Variants in RARB observed in about 807,000 individuals in gnomAD.
RARB encodes HBV-activated protein.
Under a neutral mutation model 51.9 loss-of-function variants are expected in RARB, and 17 were observed. The observed-to-expected ratio is 0.33, with a 90% CI of 0.22 to 0.49. The LOEUF is 0.49. RARB is among the 20% of genes least tolerant of loss of function. RARB has a pLI of 0.99. For synonymous variants in RARB, 215 were observed against 195.4 expected, an observed-to-expected ratio of 1.10 and a Z score of -0.84; for missense variants, 369 against 550.8, an observed-to-expected ratio of 0.67 and a Z score of 3.30.
At chr3:25,321,227 C>G (rs1704560088) in intron 5 of RARB, among the ~76,000 whole-genome samples, 1 of 152,140 alleles carries the variant, frequency 6.6e-6, no homozygotes, top group Admixed American at 6.5e-5. Context: ...TGCATTCAGA[C>G]TTTGGGAACT....
At chr3:25,100,916 T>A (rs1237638002) in intron 3 of RARB, among the ~76,000 whole-genome samples, 3 of 152,176 alleles carry the variant, frequency 2.0e-5, no homozygotes, top group African/African-American at 7.2e-5. Context: ...AATCTTAGAC[T>A]CCTGTTGGCT....
At chr3:25,270,715 A>G (rs1332166318) in intron 5 of RARB, among the ~76,000 whole-genome samples, 3 of 152,218 alleles carry the variant, frequency 2.0e-5, no homozygotes, top group East Asian at 3.8e-4. Flanking sequence ...TTCTCACGGT[A>G]TCCCTTGAAG....
At chr3:25,411,348 C>T (rs1397953376) in intron 5 of RARB, among the ~76,000 whole-genome samples, 1 of 152,158 alleles carries the variant, frequency 6.6e-6, no homozygotes, top group African/African-American at 2.4e-5. Flanking sequence ...ATAAAAACAA[C>T]TCTTGGTAAA....
intron 2 of RARB, among the ~76,000 whole-genome samples, chr3:24,881,489 T>C (rs1256481836): frequency 6.6e-6 from 1 of 152,212 alleles, no homozygotes; most frequent in Non-Finnish European, 1.5e-5. Flanking sequence ...TTGAGTGAAC[T>C]CATTGAGTAC....
At chr3:25,377,965 A>T (rs2125476907) in intron 5 of RARB, among the ~76,000 whole-genome samples, 1 of 152,310 alleles carries the variant, frequency 6.6e-6, no homozygotes, top group East Asian at 1.9e-4. Flanking sequence ...AAAATTTTTT[A>T]AATTCAAAAA....
At chr3:25,361,094 C>G (rs565533627) in intron 5 of RARB, among the ~76,000 whole-genome samples, 2 of 152,190 alleles carry the variant, frequency 1.3e-5, no homozygotes, top group African/African-American at 4.8e-5. Context: ...ATTTCATTCT[C>G]CCTGTCACTT....
chr3:25,098,485 G>C (rs938521199), intron 3 of RARB, among the ~76,000 whole-genome samples: 1 of 152,138 alleles, frequency 6.6e-6, no homozygotes, highest in African/African-American at 2.4e-5. Context: ...TGTAATATTG[G>C]GTAAAGAAGT....
At chr3:25,234,626 C>T (rs1702260500) in intron 5 of RARB, among the ~76,000 whole-genome samples, 1 of 151,006 alleles carries the variant, frequency 6.6e-6, no homozygotes, top group African/African-American at 2.4e-5. Flanking sequence ...TCTTCTGCTT[C>T]ACTTCTCTTT....
rs932339213 is a variant in RARB at position 25,021,935 on chromosome 3, GAGTT to G, written c.-379-38187_-379-38184del. On this transcript the variant is annotated intron_variant, in intron 2 of 11. Coordinates refer to the RARB transcript ENST00000383772. ...ATTTATCAAATATTTGATAAATACT[GAGTT>G]AGGCACCAAGTAGTAATGATTATTA... Among the ~76,000 whole-genome samples the G allele has an allele frequency of 3.1e-3, 478 of 152,190 alleles. 3 individuals carry two copies. The highest frequency in any genetic ancestry group is 0.011 in the African/African-American group (446 of 41,488).
intron 5 of RARB, among the ~76,000 whole-genome samples, chr3:25,203,684 C>A (rs1227556388): frequency 6.6e-6 from 1 of 152,158 alleles, no homozygotes; most frequent in Admixed American, 6.6e-5. Flanking sequence ...TTCCCCTTCA[C>A]TTATGAAGCT....
Position 25,369,650 on chromosome 3 carries a change from C to A in RARB, c.179-91543C>A, listed in dbSNP as rs561677016. 2.0e-5 allele frequency among the ~76,000 whole-genome samples: 3 copies of A among 152,262 alleles called. No homozygotes were observed. The South Asian group carries it at 6.2e-4, about 32-fold the overall frequency. ...AGATGTTCACTTTCATGGCCAGGCG[C>A]GGTGGCTCACGCCTGTAATCCCAGC... On this transcript the variant is annotated intron_variant, in intron 5 of 11. Transcript: ENST00000383772.
At chr3:25,382,702 A>G (rs1216826705) in intron 5 of RARB, among the ~76,000 whole-genome samples, 3 of 152,158 alleles carry the variant, frequency 2.0e-5, no homozygotes, top group Non-Finnish European at 4.4e-5. Context: ...CTAAAAATAC[A>G]AAAGAATTAG....
At chr3:24,965,904 T>G (rs1030706277) in intron 2 of RARB, among the ~76,000 whole-genome samples, 1 of 152,164 alleles carries the variant, frequency 6.6e-6, no homozygotes, top group African/African-American at 2.4e-5. Context: ...AATTTGTCAT[T>G]GCAAAACACT....
At chr3:25,167,246 TC>T (rs1432710011) in intron 4 of RARB, among the ~76,000 whole-genome samples, 1 of 152,212 alleles carries the variant, frequency 6.6e-6, no homozygotes. Flanking sequence ...TTAATGAACA[TC>T]CAGTGAAATA....
At chr3:25,070,908 C>T (rs993805) in intron 3 of RARB, among the ~76,000 whole-genome samples, 99,914 of 151,994 alleles carry the variant, frequency 0.66, 33,615 homozygotes, top group Non-Finnish European at 0.73. Context: ...AGGGAGGATC[C>T]AGGTATTGGG....
At chr3:24,886,634 G>C (rs947166368) in intron 2 of RARB, among the ~76,000 whole-genome samples, 1 of 151,946 alleles carries the variant, frequency 6.6e-6, no homozygotes, top group African/African-American at 2.4e-5. Context: ...TAGAGACAAG[G>C]TCTCGTTATG....
intron 2 of RARB, among the ~76,000 whole-genome samples, chr3:25,031,208 C>T (rs1322585873): frequency 2.0e-5 from 3 of 152,154 alleles, no homozygotes; most frequent in African/African-American, 4.8e-5. Context: ...GCAATGTATC[C>T]TTGGGACAAA....
chr3:25,411,152 G>GA (rs1431839091), intron 5 of RARB, among the ~76,000 whole-genome samples: 2 of 151,848 alleles, frequency 1.3e-5, no homozygotes, highest in South Asian at 2.1e-4. Context: ...ATAATATATA[G>GA]AAAAAATGAA....
chr3:25,327,093 C>A (rs538544415), intron 5 of RARB, among the ~76,000 whole-genome samples: 35 of 151,856 alleles, frequency 2.3e-4, no homozygotes, highest in African/African-American at 8.0e-4. Context: ...TGCGCTGTTT[C>A]GTTTTTAGAC....
Sources: gnomAD v4.1 joint callset for allele counts (sites outside exome capture counted in the v4.1 genomes callset) on GRCh38, gnomAD v4.1.1 for gene constraint, MANE v1.5 for transcripts, NCBI Gene and HGNC (gene_info 2026-07-23, HGNC 2026-07-21) for gene names.